The following CSMD2 variants were observed in gnomAD, a reference collection of about 807,000 sequenced individuals.
CSMD2 encodes CUB and Sushi multiple domains 2.
In CSMD2, 130 loss-of-function variants were observed where a neutral mutation model predicts 398.5. The observed-to-expected ratio is 0.33, with a 90% CI of 0.28 to 0.38. The LOEUF is 0.38. Among genes scored for constraint, CSMD2 ranks in the 10% least tolerant of loss-of-function variants. The probability of loss-of-function intolerance (pLI) is 1.00; values close to 1 mark genes in which losing one functional copy is unlikely to be tolerated. For synonymous variants in CSMD2, 1,828 were observed against 1,908.5 expected, an observed-to-expected ratio of 0.96 and a Z score of 1.10; for missense variants, 3,829 against 4,764.9, an observed-to-expected ratio of 0.80 and a Z score of 5.78.
rs562609637 is a variant in CSMD2 at position 33,533,688 on chromosome 1, G to A, written c.9991+108C>T. 213 of 707,678 alleles carry A rather than the reference G, an allele frequency of 3.0e-4. No individual in the cohort carries two copies. In the African/African-American group the frequency reaches 3.3e-3, roughly 11 times the overall value. The allele number at this position is 707,678 out of a possible 1,614,324, so 43.8% of individuals were successfully genotyped here. Reference sequence around the variant, plus strand: ...ACTACAAAGAGACCGATGTCGGTTCGCATGGGGAGTTGTGAACTCCCTGTC... The same window carrying A: ...ACTACAAAGAGACCGATGTCGGTTCACATGGGGAGTTGTGAACTCCCTGTC... On this transcript the variant is annotated intron_variant, in intron 63 of 70. Transcript: ENST00000373381. This position sits in a 1 kb window ranked among gnomAD's most constrained non-coding sequence, Gnocchi z 4.2.
intron 1 of CSMD2, among the ~76,000 whole-genome samples, chr1:34,134,195 T>C (rs999957636): frequency 1.3e-5 from 2 of 151,972 alleles, no homozygotes; most frequent in African/African-American, 2.4e-5. Flanking sequence ...ATTAGAAACA[T>C]CTGTTTGCCT....
intron 3 of CSMD2, among the ~76,000 whole-genome samples, chr1:33,958,874 T>C (rs1487590412): frequency 6.6e-6 from 1 of 152,188 alleles, no homozygotes; most frequent in Non-Finnish European, 1.5e-5. Flanking sequence ...GGTGATTTTT[T>C]TTATGCAGCA....
intron 6 of CSMD2, among the ~76,000 whole-genome samples, chr1:33,835,753 T>C (rs1660169456): frequency 6.6e-6 from 1 of 151,336 alleles, no homozygotes; most frequent in Admixed American, 6.6e-5. Context: ...TTATTCTAGT[T>C]AGCCATTTGT....
chr1:33,724,322 G>A lies in CSMD2; in HGVS notation c.2885-9C>T. ...GAAGCCACCACAGAGAGCTACAGAA[G>A]GAGTGAAGAGGGCAGTGAAAGACCA... On this transcript the variant is annotated splice_polypyrimidine_tract_variant and intron_variant, in intron 18 of 70. Transcript: ENST00000373381. 3 of 1,598,108 alleles carry A rather than the reference G, an allele frequency of 1.9e-6. No individual in the cohort carries two copies. The highest frequency in any genetic ancestry group is 1.1e-5 in the South Asian group (1 of 90,452).
At chr1:33,613,838 C>T (rs1641206285) in intron 40 of CSMD2, among the ~76,000 whole-genome samples, 1 of 152,170 alleles carries the variant, frequency 6.6e-6, no homozygotes, top group Non-Finnish European at 1.5e-5. Flanking sequence ...ATGATATTCC[C>T]AGTGCATAAT....
chr1:33,896,245 A>G (rs1032849744), intron 5 of CSMD2, among the ~76,000 whole-genome samples: 2 of 151,578 alleles, frequency 1.3e-5, no homozygotes, highest in African/African-American at 4.9e-5. Context: ...GAGGGTAAGG[A>G]GGGGAGTAGC....
chr1:33,627,100 G>C (rs1483422892), intron 32 of CSMD2, among the ~76,000 whole-genome samples: 1 of 152,172 alleles, frequency 6.6e-6, no homozygotes, highest in African/African-American at 2.4e-5. Context: ...ATGATTACCA[G>C]AGCGATGGTG....
chr1:33,561,848 C>A (rs1020210745), intron 53 of CSMD2, among the ~76,000 whole-genome samples: 1 of 152,168 alleles, frequency 6.6e-6, no homozygotes, highest in South Asian at 2.1e-4. Flanking sequence ...ATATGCAAGG[C>A]ACTGGGTGTT....
Position 33,836,832 on chromosome 1 carries a change from C to G in CSMD2, c.1033+10052G>C, listed in dbSNP as rs910684581. ...TTCCTGGGTGAGGCCATGCCTCGCC[C>G]TGCTTCGGCTCAGGCTCAGTGCACT... On this transcript the variant is annotated intron_variant, in intron 6 of 70. Transcript: ENST00000373381. 2.6e-5 allele frequency among the ~76,000 whole-genome samples: 4 copies of G among 152,326 alleles called. No homozygotes were observed. The East Asian group carries it at 7.7e-4, about 29-fold the overall frequency.
rs193199291 is a variant in CSMD2, at chr1:34,108,719, T to C, written c.188-19526A>G. 3.1e-3 allele frequency among the ~76,000 whole-genome samples: 479 copies of C among 152,150 alleles called. 2 individuals are homozygous for C. Among genetic ancestry groups the C allele is most frequent in the Admixed American group, 4.6e-3 (70 of 15,276 alleles). On this transcript the variant is annotated intron_variant, in intron 1 of 70. Coordinates refer to ENST00000373381, the MANE Select transcript of CSMD2 (RefSeq NM_001281956.2). ...GGCTGAAGAGGGAAAGGGGTGAAGGTAGAAGAGAGAGCACTGCAGCTCCAT... is the reference window on the plus strand; with the variant it reads ...GGCTGAAGAGGGAAAGGGGTGAAGGCAGAAGAGAGAGCACTGCAGCTCCAT...
chr1:33,749,115 T>C (rs920994113), intron 13 of CSMD2, among the ~76,000 whole-genome samples: 2 of 147,326 alleles, frequency 1.4e-5, no homozygotes, highest in Admixed American at 6.7e-5. Context: ...TTTTTTTTTT[T>C]TTGAGACGGA....
intron 2 of CSMD2, among the ~76,000 whole-genome samples, chr1:34,046,848 G>A (rs1385016410): frequency 6.6e-6 from 1 of 152,092 alleles, no homozygotes; most frequent in Non-Finnish European, 1.5e-5. Context: ...ACCCTCAAAC[G>A]GAGGCATTTA....
At chr1:34,003,025 C>T (rs1450561572) in intron 3 of CSMD2, among the ~76,000 whole-genome samples, 2 of 152,126 alleles carry the variant, frequency 1.3e-5, no homozygotes, top group Non-Finnish European at 2.9e-5. Flanking sequence ...AACCTATTTG[C>T]ATAAACAGTA....
intron 1 of CSMD2, among the ~76,000 whole-genome samples, chr1:34,104,589 G>T (rs980527346): frequency 6.6e-6 from 1 of 152,164 alleles, no homozygotes; most frequent in Admixed American, 6.5e-5. Context: ...TAATGAAACT[G>T]CCCTAAGAGG....
intron 9 of CSMD2, among the ~76,000 whole-genome samples, chr1:33,813,481 G>C (rs1044126610): frequency 6.6e-6 from 1 of 152,176 alleles, no homozygotes; most frequent in African/African-American, 2.4e-5. Context: ...CTCACTAAAT[G>C]AATGAACATA....
rs886193998 is a variant in CSMD2, at chr1:34,141,568, G to A, written c.187+23343C>T. 2.6e-5 allele frequency among the ~76,000 whole-genome samples: 4 copies of A among 152,162 alleles called. No homozygotes were observed. In the East Asian group the frequency reaches 7.7e-4, roughly 29 times the overall value. On this transcript the variant is annotated intron_variant, in intron 1 of 70. Coordinates refer to ENST00000373381, the MANE Select transcript of CSMD2 (RefSeq NM_001281956.2). The stretch of plus-strand genomic sequence containing the variant: ...GGGATGGAGAGCCCCAAATCTATTT[G>A]CATGCATGCCCCAACACCCAGTGTG...
At chr1:33,615,067 C>T (rs1641297475) in intron 39 of CSMD2, among the ~76,000 whole-genome samples, 1 of 152,208 alleles carries the variant, frequency 6.6e-6, no homozygotes, top group African/African-American at 2.4e-5. Flanking sequence ...CACTCTGTGC[C>T]CGGCACCATG....
At chr1:34,013,223 A>T (rs1279993395) in intron 3 of CSMD2, among the ~76,000 whole-genome samples, 1 of 95,896 alleles carries the variant, frequency 1.0e-5, no homozygotes, top group Non-Finnish European at 2.2e-5. Flanking sequence ...TGGAGTTTTC[A>T]ATCCATCGTT....
chr1:33,670,201 C>T lies in CSMD2; in HGVS notation c.4053-7109G>A, dbSNP rs1169074682. Among the ~76,000 whole-genome samples the T allele has an allele frequency of 7.9e-5, 12 of 152,182 alleles. No individual in the cohort carries two copies. In the South Asian group the frequency reaches 2.3e-3, roughly 29 times the overall value. ...TAGTGAGATGCTCCCTCTACAGGCT[C>T]CTGCTCTATCAGAGTCATCCATTGA... On this transcript the variant is annotated intron_variant, in intron 25 of 70. Coordinates refer to ENST00000373381, the MANE Select transcript of CSMD2 (RefSeq NM_001281956.2).
Sources: allele counts gnomAD v4.1 joint callset (sites outside exome capture counted in the v4.1 genomes callset), GRCh38; gene constraint gnomAD v4.1.1; non-coding constraint Gnocchi (gnomAD v3.1); transcripts MANE v1.5; gene names NCBI Gene and HGNC (gene_info 2026-07-23, HGNC 2026-07-21).